Variants in FAM20C observed in about 807,000 individuals in gnomAD.
FAM20C encodes FAM20C golgi associated secretory pathway kinase.
FAM20C carries 40 observed loss-of-function variants against 51.5 expected under a neutral mutation model. That is an observed-to-expected ratio of 0.78 (90% CI 0.60 to 1.01). The LOEUF (loss-of-function observed/expected upper bound fraction) is 1.01. FAM20C is among the 50% of genes least tolerant of loss of function. FAM20C has a pLI of 0.00. For synonymous variants in FAM20C, 406 were observed against 380.6 expected, an observed-to-expected ratio of 1.07 and a Z score of -0.78; for missense variants, 861 against 844.7, an observed-to-expected ratio of 1.02 and a Z score of -0.24.
intron 3 of FAM20C, among the ~76,000 whole-genome samples, chr7:245,167 C>T (rs372650661): frequency 1.3e-5 from 2 of 152,338 alleles, no homozygotes; most frequent in African/African-American, 2.4e-5. Flanking sequence ...CCGGGGAAGC[C>T]GAGGGCTGGG....
chr7:228,009 G>A (rs972600707), intron 3 of FAM20C: 6 of 162,114 alleles, frequency 3.7e-5, no homozygotes, highest in Non-Finnish European at 5.5e-5. Flanking sequence ...CTGCAGACCC[G>A]GGAGGGGTAC....
At chr7:229,082 G>T in intron 3 of FAM20C, 1 of 334,446 alleles carries the variant, frequency 3.0e-6, no homozygotes, top group Non-Finnish European at 5.8e-6. Flanking sequence ...GGCCACTCTA[G>T]GACCAGAAGC....
chr7:258,252 GA>G (rs878974641), intron 8 of FAM20C, among the ~76,000 whole-genome samples: 6 of 83,640 alleles, frequency 7.2e-5, no homozygotes, highest in South Asian at 4.1e-4. Context: ...CCCACTGCCT[GA>G]GGTGCTGGAG....
At chr7:245,026 C>G (rs938137305) in intron 3 of FAM20C, among the ~76,000 whole-genome samples, 1 of 152,194 alleles carries the variant, frequency 6.6e-6, no homozygotes, top group Non-Finnish European at 1.5e-5. Context: ...CCCGAAGGGA[C>G]GTGGACATGA....
intron 2 of FAM20C, among the ~76,000 whole-genome samples, chr7:198,802 C>G (rs1786004479): frequency 6.6e-6 from 1 of 152,204 alleles, no homozygotes; most frequent in African/African-American, 2.4e-5. Context: ...TGGGTGGGGT[C>G]TTTGTACAGC....
intron 1 of FAM20C, 153 bp downstream of exon 1, chr7:193,957 C>T: frequency 8.5e-7 from 1 of 1,179,996 alleles, no homozygotes; most frequent in East Asian, 3.0e-5. Context: ...CCTCAGGGCG[C>T]TGCCTTTGTC....
chr7:246,585 A>T, intron 4 of FAM20C, 78 bp downstream of exon 4: 8 of 981,960 alleles, frequency 8.1e-6, no homozygotes, highest in Non-Finnish European at 1.2e-5. Context: ...CCTGCACTGG[A>T]CACAGCAGGA....
intron 2 of FAM20C, among the ~76,000 whole-genome samples, chr7:206,646 C>T (rs1454199816): frequency 1.3e-5 from 2 of 148,246 alleles, no homozygotes; most frequent in Non-Finnish European, 3.0e-5. Context: ...GCACACGTGT[C>T]CACTGTGACG....
intron 5 of FAM20C, among the ~76,000 whole-genome samples, chr7:251,188 G>A (rs531810173): frequency 2.0e-5 from 3 of 149,904 alleles, no homozygotes; most frequent in Non-Finnish European, 3.0e-5. Flanking sequence ...CTGAGTGGCC[G>A]GGCACGGCGG....
chr7:256,144 T>C (rs2115171954), intron 6 of FAM20C, 115 bp downstream of exon 6: 2 of 1,231,606 alleles, frequency 1.6e-6, no homozygotes, highest in East Asian at 5.1e-5. Flanking sequence ...GTGCAGAGCC[T>C]GCTGTGCGAT....
chr7:226,606 G>A (rs905850488), intron 3 of FAM20C, among the ~76,000 whole-genome samples: 4 of 152,124 alleles, frequency 2.6e-5, no homozygotes, highest in Admixed American at 2.6e-4. Flanking sequence ...TCGCAGGTCT[G>A]TGGGGACGGG....
intron 2 of FAM20C, chr7:197,498 T>C (rs752450004): frequency 6.0e-6 from 1 of 166,948 alleles, no homozygotes; most frequent in African/African-American, 2.4e-5. Context: ...GCTGTCCGTA[T>C]GAGCTTCTCT....
At position 258,445 on chromosome 7, in the gene FAM20C, T is replaced by TA. The variant is rs1446265614; in HGVS notation, c.1446-201_1446-200insA. On this transcript the variant is annotated intron_variant, in intron 8 of 9. Transcript: ENST00000313766. ...GACCCACTGCCTGGGGTGCTGGAGA[T>TA]GGGTGGGATGGACCCACTGCCTGGG... 0.011 allele frequency among the ~76,000 whole-genome samples: 976 copies of TA among 89,676 alleles called. 221 individuals carry two copies. The highest frequency in any genetic ancestry group is 0.018 in the Middle Eastern group (3 of 168). The allele number at this position is 89,676 out of a possible 152,430, so 58.8% of individuals were successfully genotyped here. A position where few individuals can be genotyped will look rare whatever the true frequency, so the allele number is the denominator to read the frequency against.
intron 3 of FAM20C, among the ~76,000 whole-genome samples, chr7:213,828 G>C (rs1282819214): frequency 1.3e-5 from 2 of 152,042 alleles, no homozygotes; most frequent in Non-Finnish European, 2.9e-5. Context: ...AGCGTGTGCT[G>C]TTGTCTGGCT....
chr7:247,295 C>T (rs1036252836), intron 4 of FAM20C, among the ~76,000 whole-genome samples: 7 of 152,304 alleles, frequency 4.6e-5, no homozygotes, highest in Admixed American at 4.6e-4. Context: ...AGTAAACGGG[C>T]CTGGCCCAGG....
In FAM20C at chr7:257,956, ACTGC is replaced by A. The variant is rs1217899025; in HGVS notation, c.1446-686_1446-683del. ...TGCTGGAGATGCCCGGGGTGGACCC[ACTGC>A]CTGAGGTGCTGGAGATAGGCAGTGT... On this transcript the variant is annotated intron_variant, in intron 8 of 9. Coordinates refer to ENST00000313766, the MANE Select transcript of FAM20C (RefSeq NM_020223.4). 1.8e-4 allele frequency among the ~76,000 whole-genome samples: 16 copies of A among 90,532 alleles called. 3 individuals are homozygous for A. Among genetic ancestry groups the A allele is most frequent in the African/African-American group, 7.0e-4 (14 of 20,016 alleles). 59.4% of individuals were successfully genotyped at this position (90,532 alleles called of 152,430 possible). A position where few individuals can be genotyped will look rare whatever the true frequency, so the allele number is the denominator to read the frequency against.
intron 3 of FAM20C, among the ~76,000 whole-genome samples, chr7:220,940 C>A (rs1034666094): frequency 1.3e-5 from 2 of 151,074 alleles, no homozygotes; most frequent in Non-Finnish European, 3.0e-5. Context: ...GGGCAGGGGG[C>A]TGCAGGAGCC....
At chr7:197,571 A>C (rs1224198412) in intron 2 of FAM20C, 2 of 164,084 alleles carry the variant, frequency 1.2e-5, no homozygotes, top group Non-Finnish European at 2.9e-5. Flanking sequence ...CAAGGATAGG[A>C]TGAGATGTGC....
At chr7:207,654 C>T (rs1786492005) in intron 2 of FAM20C, among the ~76,000 whole-genome samples, 1 of 152,244 alleles carries the variant, frequency 6.6e-6, no homozygotes, top group African/African-American at 2.4e-5. Context: ...TTGTTCGGGC[C>T]CGTGATGTTG....
Sources: gnomAD v4.1 joint callset for allele counts (sites outside exome capture counted in the v4.1 genomes callset) on GRCh38, gnomAD v4.1.1 for gene constraint, MANE v1.5 for transcripts, NCBI Gene and HGNC (gene_info 2026-07-23, HGNC 2026-07-21) for gene names.